The following DMBT1 variants were observed in gnomAD, a reference collection of about 807,000 sequenced individuals.
DMBT1 encodes the protein deleted in malignant brain tumors 1, also known as scavenger receptor cysteine-rich domain-containing protein DMBT1.
DMBT1 carries 198 observed loss-of-function variants against 252.9 expected under a neutral mutation model. The observed-to-expected ratio is 0.78, with a 90% confidence interval of 0.70 to 0.88. DMBT1 has a LOEUF of 0.88. Among genes scored for constraint, DMBT1 ranks in the 40% least tolerant of loss-of-function variants. The pLI, the probability that DMBT1 is intolerant of heterozygous loss-of-function variation, is 0.00. For missense variants in DMBT1, 2,432 were observed against 2,404.7 expected (o/e 1.01, Z -0.24); for synonymous variants, 990 against 942.7 (o/e 1.05, Z -0.92).
At position 122,599,077 on chromosome 10, in the gene DMBT1, AC is replaced by A. The variant is rs1409967866; in HGVS notation, c.3261del (p.Asp1087GlufsTer36). 2 of 1,613,814 alleles carry A rather than the reference AC, an allele frequency of 1.2e-6. No individual in the cohort carries two copies. The highest frequency in any genetic ancestry group is 2.7e-5 in the African/African-American group (2 of 75,026). On this transcript the variant is annotated frameshift_variant, in exon 26 of 56. Coordinates refer to ENST00000338354, the MANE Select transcript of DMBT1 (RefSeq NM_001377530.1). LOFTEE classifies it high-confidence loss of function. ...TCCCACAACTGTGGCCATAGTGAAG[AC>A]GCTGGTGTCATCTGCTCAGGTGGGC... ...WLSHNCGHSEDAGVICSASQS... is the reference protein window; with the variant it reads ...WLSHNCGHSEXAGVICSASQS...
chr10:122,565,036 A>T (rs557861569), intron 1 of DMBT1, among the ~76,000 whole-genome samples: 191 of 17,528 alleles, frequency 0.011, no homozygotes, highest in African/African-American at 0.024. Flanking sequence ...CTCCAATCTT[A>T]AAAAAAATCT....
chr10:122,578,967 T>C (rs188308100), intron 9 of DMBT1, among the ~76,000 whole-genome samples: 1 of 152,196 alleles, frequency 6.6e-6, no homozygotes, highest in African/African-American at 2.4e-5. Flanking sequence ...TTAGGAATCA[T>C]TAGGCTCATG....
At chr10:122,600,262 A>G (rs2097934245) in intron 27 of DMBT1, among the ~76,000 whole-genome samples, 169 bp downstream of exon 27, 1 of 150,100 alleles carries the variant, frequency 6.7e-6, no homozygotes, top group Non-Finnish European at 1.5e-5. Context: ...CTTTTTAAAC[A>G]CACACAGGAT....
In DMBT1 at chr10:122,586,650, G is replaced by A. The variant is rs148710492; in HGVS notation, c.1783+267G>A. Among the ~76,000 whole-genome samples, 785 of 148,374 alleles carry A rather than the reference G, an allele frequency of 5.3e-3. 32 individuals carry two copies. Among genetic ancestry groups the A allele is most frequent in the African/African-American group, 0.018 (754 of 41,142 alleles). On this transcript the variant is annotated intron_variant, in intron 16 of 55. Coordinates refer to ENST00000338354, the MANE Select transcript of DMBT1 (RefSeq NM_001377530.1). ...GCAAGCAGAGGGAGAAGACGAAAGCGCCGGGTCTTTGCCTTTTAGTGTGGC... is the reference window on the plus strand; with the variant it reads ...GCAAGCAGAGGGAGAAGACGAAAGCACCGGGTCTTTGCCTTTTAGTGTGGC...
At chr10:122,565,855 G>T in intron 1 of DMBT1, 112 bp from the exon 2 acceptor site, 1 of 1,014,250 alleles carries the variant, frequency 9.9e-7, no homozygotes, top group South Asian at 1.4e-5. Context: ...ACCCAAGATT[G>T]AGCCACAGCG....
At position 122,617,921 on chromosome 10, in the gene DMBT1, A is replaced by T. The variant is rs1011593179; in HGVS notation, c.4892-96A>T. 3.2e-6 allele frequency: 5 copies of T among 1,566,154 alleles called. No individual in the cohort carries two copies. In the African/African-American group the frequency reaches 5.5e-5, roughly 17 times the overall value. ...GCAATTGTGACTGCTTGCCCAGGTG[A>T]CTCTGGCCATTAGGAAGTACCCTGA... On this transcript the variant is annotated intron_variant, in intron 40 of 55. Coordinates refer to ENST00000338354, the MANE Select transcript of DMBT1 (RefSeq NM_001377530.1).
chr10:122,574,476 G>A (rs1471996197), intron 6 of DMBT1, among the ~76,000 whole-genome samples: 1 of 152,116 alleles, frequency 6.6e-6, no homozygotes, highest in Non-Finnish European at 1.5e-5. Context: ...ACATGCATCG[G>A]GCCCTCCTGT....
At chr10:122,586,990 GAGA>G (rs2097795572) in intron 16 of DMBT1, among the ~76,000 whole-genome samples, 2 of 147,250 alleles carry the variant, frequency 1.4e-5, no homozygotes, top group Non-Finnish European at 3.0e-5. Context: ...TAGGAACTAA[GAGA>G]AGAACTTACC....
At position 122,591,459 on chromosome 10, in the gene DMBT1, G is replaced by T; in HGVS notation, c.2138-20G>T. Reference sequence around the variant, plus strand: ...TCCCTCAACTTTAATTCTAGCCTTTGTCTTTGTTGCAATTTACAGACACGT... The same window carrying T: ...TCCCTCAACTTTAATTCTAGCCTTTTTCTTTGTTGCAATTTACAGACACGT... On this transcript the variant is annotated intron_variant, in intron 18 of 55. Coordinates refer to ENST00000338354, the MANE Select transcript of DMBT1 (RefSeq NM_001377530.1). The T allele has an allele frequency of 2.5e-6, 4 of 1,584,382 alleles. 1 individual carries two copies. The highest frequency in any genetic ancestry group is 3.4e-6 in the Non-Finnish European group (4 of 1,162,464).
intron 1 of DMBT1, among the ~76,000 whole-genome samples, chr10:122,563,916 C>T (rs998988164): frequency 3.9e-5 from 6 of 152,124 alleles, no homozygotes; most frequent in South Asian, 2.1e-4. Flanking sequence ...TTTAAATGGC[C>T]GAGTTTTGAA....
At chr10:122,599,946 T>G in intron 26 of DMBT1, 118 bp from the exon 27 acceptor site, 1 of 1,427,926 alleles carries the variant, frequency 7.0e-7, no homozygotes, top group Non-Finnish European at 9.8e-7. Context: ...CCCCTCCCTG[T>G]GTGATAGGAA....
intron 45 of DMBT1, 78 bp downstream of exon 45, chr10:122,625,381 T>A: frequency 7.2e-7 from 1 of 1,381,910 alleles, no homozygotes; most frequent in Non-Finnish European, 1.0e-6. Flanking sequence ...GTAGGAGGAG[T>A]AGGGTAGACT....
chr10:122,637,450 A>G, intron 54 of DMBT1, 138 bp downstream of exon 54: 2 of 1,055,726 alleles, frequency 1.9e-6, no homozygotes, highest in Non-Finnish European at 2.7e-6. Context: ...AAGGAAGATA[A>G]AAAACCTTTG....
In DMBT1 at chr10:122,579,547, A is replaced by T. The variant is rs748288888; in HGVS notation, c.680-31A>T. 8.7e-6 allele frequency: 14 copies of T among 1,612,082 alleles called. No individual in the cohort carries two copies. The East Asian group carries it at 3.1e-4, about 36-fold the overall frequency. On this transcript the variant is annotated intron_variant, in intron 9 of 55. Coordinates refer to ENST00000338354, the MANE Select transcript of DMBT1 (RefSeq NM_001377530.1). ...TTAGATTCTTGACCTCATGATAGGGATGGATGAAGGGTTCTTGTGTTCCCC... is the reference window on the plus strand; with the variant it reads ...TTAGATTCTTGACCTCATGATAGGGTTGGATGAAGGGTTCTTGTGTTCCCC...
At chr10:122,581,012 C>A in intron 11 of DMBT1, 117 bp downstream of exon 11, 1 of 1,470,062 alleles carries the variant, frequency 6.8e-7, no homozygotes, top group Non-Finnish European at 9.3e-7. Flanking sequence ...ATATTATTTC[C>A]ACCCCCAACA....
chr10:122,564,600 A>G (rs962799657), intron 1 of DMBT1, among the ~76,000 whole-genome samples: 4 of 151,786 alleles, frequency 2.6e-5, no homozygotes, highest in Non-Finnish European at 5.9e-5. Flanking sequence ...GTATATAAAC[A>G]TCATAAAAGA....
intron 6 of DMBT1, among the ~76,000 whole-genome samples, chr10:122,576,093 G>A (rs2097709379): frequency 6.6e-6 from 1 of 152,188 alleles, no homozygotes; most frequent in African/African-American, 2.4e-5. Flanking sequence ...CTGTCTGAGG[G>A]AATCAGGCAG....
At chr10:122,572,502 T>C (rs1042351734) in intron 5 of DMBT1, 141 bp downstream of exon 5, 2 of 1,178,932 alleles carry the variant, frequency 1.7e-6, no homozygotes, top group African/African-American at 3.0e-5. Flanking sequence ...TATCACCTTG[T>C]GCTGTGTATG....
intron 39 of DMBT1, 27 bp from the exon 40 acceptor site, chr10:122,617,201 G>A (rs779983547): frequency 3.1e-6 from 5 of 1,606,806 alleles, no homozygotes; most frequent in Non-Finnish European, 4.2e-6. Flanking sequence ...GTCTAATTCT[G>A]TCTTTTTTCT....
Sources: gnomAD v4.1 joint callset for allele counts (sites outside exome capture counted in the v4.1 genomes callset) on GRCh38, gnomAD v4.1.1 for gene constraint, MANE v1.5 for transcripts, NCBI Gene and HGNC (gene_info 2026-07-23, HGNC 2026-07-21) for gene names.